The following IL1R1 variants were observed in gnomAD, a reference collection of about 807,000 sequenced individuals.
IL1R1 encodes the protein interleukin-1 receptor type 1.
IL1R1 carries 22 observed loss-of-function variants against 50.2 expected under a neutral mutation model. That is an observed-to-expected ratio of 0.44 (90% CI 0.31 to 0.63). The LOEUF (loss-of-function observed/expected upper bound fraction) is 0.63, where lower values mean the gene tolerates loss of function less well. IL1R1 is among the 20% of genes least tolerant of loss of function. The probability of loss-of-function intolerance (pLI) is 0.07; values close to 1 mark genes in which losing one functional copy is unlikely to be tolerated. For missense variants in IL1R1, 509 were observed against 676.2 expected, an observed-to-expected ratio of 0.75 and a Z score of 2.74; for synonymous variants, 251 against 236.7, an observed-to-expected ratio of 1.06 and a Z score of -0.55.
chr2:102,174,908 C>T (rs922305508), intron 10 of IL1R1, among the ~76,000 whole-genome samples, 178 bp downstream of exon 10: 1 of 152,096 alleles, frequency 6.6e-6, no homozygotes, highest in African/African-American at 2.4e-5. Context: ...GGCTGAATAT[C>T]ATTGTTTTCT....
At chr2:102,132,846 A>G (rs1264440828) in intron 1 of IL1R1, among the ~76,000 whole-genome samples, 1 of 152,212 alleles carries the variant, frequency 6.6e-6, no homozygotes, top group Non-Finnish European at 1.5e-5. Flanking sequence ...ATACTTTTAG[A>G]TGAAATAGAT....
intron 1 of IL1R1, among the ~76,000 whole-genome samples, chr2:102,151,132 G>A (rs537113734): frequency 6.6e-6 from 1 of 152,158 alleles, no homozygotes; most frequent in South Asian, 2.1e-4. Context: ...ATGCCTTCTG[G>A]CAGTAACATT....
chr2:102,082,385 G>A (rs1355517888), intron 1 of IL1R1, among the ~76,000 whole-genome samples: 2 of 152,138 alleles, frequency 1.3e-5, no homozygotes, highest in Non-Finnish European at 2.9e-5. Flanking sequence ...GGATTATCTT[G>A]TTTGTTCTAA....
intron 1 of IL1R1, among the ~76,000 whole-genome samples, chr2:102,125,011 G>T (rs1019074684): frequency 6.7e-6 from 1 of 149,954 alleles, no homozygotes. Context: ...CTCCCATCAG[G>T]TTCCTCCCTT....
intron 1 of IL1R1, among the ~76,000 whole-genome samples, chr2:102,079,503 C>T (rs761224585): frequency 8.6e-5 from 13 of 152,034 alleles, no homozygotes; most frequent in Admixed American, 5.2e-4. Context: ...CTTACAATAG[C>T]TTCAAAAAGA....
chr2:102,076,962 T>G (rs1311545432), intron 1 of IL1R1, among the ~76,000 whole-genome samples: 3 of 152,212 alleles, frequency 2.0e-5, no homozygotes, highest in Non-Finnish European at 4.4e-5. Context: ...GTTCTACAAT[T>G]CATTAATGCT....
At chr2:102,084,160 A>G (rs1163450172) in intron 1 of IL1R1, among the ~76,000 whole-genome samples, 1 of 152,206 alleles carries the variant, frequency 6.6e-6, no homozygotes, top group Non-Finnish European at 1.5e-5. Context: ...CAAATGAGAA[A>G]GGCCATACAA....
upstream of IL1R1, among the ~76,000 whole-genome samples, chr2:102,103,655 G>A (rs1021120773): frequency 2.6e-5 from 4 of 152,086 alleles, no homozygotes; most frequent in African/African-American, 9.7e-5. Context: ...GTATCATGTT[G>A]AGAATGTTCA....
chr2:102,089,892 G>A (rs1221652416), intron 1 of IL1R1, among the ~76,000 whole-genome samples: 1 of 149,650 alleles, frequency 6.7e-6, no homozygotes, highest in Non-Finnish European at 1.5e-5. Context: ...GGAGTGCAGT[G>A]GTACGATCTC....
chr2:102,080,910 C>T (rs1679177313), intron 1 of IL1R1, among the ~76,000 whole-genome samples: 1 of 152,152 alleles, frequency 6.6e-6, no homozygotes, highest in African/African-American at 2.4e-5. Flanking sequence ...CACAGTACAA[C>T]ATAGAGGAAC....
At chr2:102,145,251 A>G (rs970488838) in intron 1 of IL1R1, among the ~76,000 whole-genome samples, 2 of 152,020 alleles carry the variant, frequency 1.3e-5, no homozygotes, top group African/African-American at 4.8e-5. Context: ...CTTGGTTTGC[A>G]TTTTCTTCTT....
intron 1 of IL1R1, among the ~76,000 whole-genome samples, chr2:102,090,211 C>T (rs952088576): frequency 1.3e-4 from 20 of 151,054 alleles, no homozygotes; most frequent in African/African-American, 3.9e-4. Context: ...ATCACCACCA[C>T]CACCTACCAT....
intron 11 of IL1R1, chr2:102,175,884 C>A (rs1204752790): frequency 3.0e-5 from 18 of 598,620 alleles, no homozygotes; most frequent in Non-Finnish European, 5.0e-5. Context: ...ACTAGTTAAA[C>A]CCAACAGTTG....
intron 3 of IL1R1, among the ~76,000 whole-genome samples, chr2:102,162,318 C>A (rs1426202786): frequency 2.6e-5 from 4 of 152,072 alleles, no homozygotes; most frequent in African/African-American, 7.2e-5. Context: ...ATGTTAGGCA[C>A]CACATAGTTG....
intron 1 of IL1R1, among the ~76,000 whole-genome samples, chr2:102,072,560 GT>G (rs1559447041): frequency 6.6e-6 from 1 of 151,454 alleles, no homozygotes; most frequent in Non-Finnish European, 1.5e-5. Context: ...TCTTGAACAT[GT>G]TTTTCACGTC....
Position 102,166,289 on chromosome 2 carries a change from A to G in IL1R1, c.655+8A>G. On this transcript the variant is annotated splice_region_variant and intron_variant, in intron 6 of 11. Coordinates refer to ENST00000410023, the MANE Select transcript of IL1R1 (RefSeq NM_000877.4). Reference sequence around the variant, plus strand: ...TAGAATTTATTACTCTAGGTGAGTCATAGCTCCAGCCCTAAAAGGTTTAGA... The same window carrying G: ...TAGAATTTATTACTCTAGGTGAGTCGTAGCTCCAGCCCTAAAAGGTTTAGA... 6.2e-7 allele frequency: 1 copy of G among 1,604,608 alleles called. No individual in the cohort carries two copies.
chr2:102,175,409 G>A (rs1219349627), intron 10 of IL1R1, 69 bp from the exon 11 acceptor site: 21 of 1,205,384 alleles, frequency 1.7e-5, no homozygotes, highest in Non-Finnish European at 2.5e-5. Context: ...ATGAATGTTT[G>A]TGATACTGAC....
intron 2 of IL1R1, among the ~76,000 whole-genome samples, chr2:102,157,323 G>T (rs906133218): frequency 3.3e-5 from 5 of 152,098 alleles, no homozygotes; most frequent in Admixed American, 6.5e-5. Context: ...GGCAGCAGGG[G>T]ACATAAGTGG....
At chr2:102,119,288 T>C (rs770483275) in intron 1 of IL1R1, among the ~76,000 whole-genome samples, 4 of 152,240 alleles carry the variant, frequency 2.6e-5, no homozygotes, top group Non-Finnish European at 5.9e-5. Context: ...AGGGCATTTC[T>C]TCTCAAAACA....
Sources: allele counts gnomAD v4.1 joint callset (sites outside exome capture counted in the v4.1 genomes callset), GRCh38; gene constraint gnomAD v4.1.1; transcripts MANE v1.5; gene names NCBI Gene and HGNC (gene_info 2026-07-23, HGNC 2026-07-21).